ZNF569: variants seen among roughly 807,000 people sequenced by gnomAD.
The protein encoded by ZNF569 is DNA-binding protein.
A neutral mutation model predicts 56.3 loss-of-function variants in ZNF569; 38 were observed. The observed-to-expected ratio is 0.68, with a 90% confidence interval of 0.52 to 0.88. The LOEUF (loss-of-function observed/expected upper bound fraction) is 0.88, where lower values mean the gene tolerates loss of function less well. ZNF569 is among the 40% of genes least tolerant of loss of function. The pLI, the probability that ZNF569 is intolerant of heterozygous loss-of-function variation, is 0.00. For missense variants in ZNF569, 666 were observed against 809.2 expected, an observed-to-expected ratio of 0.82 and a Z score of 2.15; for synonymous variants, 241 against 262.9, an observed-to-expected ratio of 0.92 and a Z score of 0.81.
upstream of ZNF569, chr19:37,467,831 T>G (rs1003102945): frequency 2.6e-6 from 4 of 1,512,096 alleles, no homozygotes; most frequent in Non-Finnish European, 3.6e-6. Flanking sequence ...TGTGTGACCA[T>G]GGTCGCGTTT....
At chr19:37,448,556 C>CTTTTTTT (rs545559315) in intron 2 of ZNF569, among the ~76,000 whole-genome samples, 44 of 72,546 alleles carry the variant, frequency 6.1e-4, no homozygotes, top group Non-Finnish European at 7.3e-4. Flanking sequence ...ATGCTGTAAT[C>CTTTTTTT]TTTTTTTTTT....
At chr19:37,450,468 C>A (rs2041573846) in intron 2 of ZNF569, among the ~76,000 whole-genome samples, 1 of 152,014 alleles carries the variant, frequency 6.6e-6, no homozygotes, top group Non-Finnish European at 1.5e-5. Context: ...TCTTAAGATC[C>A]TTTTTACTTC....
At chr19:37,421,406 A>G (rs921575500) in intron 5 of ZNF569, among the ~76,000 whole-genome samples, 2 of 152,226 alleles carry the variant, frequency 1.3e-5, no homozygotes, top group African/African-American at 2.4e-5. Flanking sequence ...AGCCACCCTC[A>G]TCAATAATCT....
intron 3 of ZNF569, 105 bp from the exon 4 acceptor site, chr19:37,426,483 G>A: frequency 8.0e-7 from 1 of 1,247,710 alleles, no homozygotes; most frequent in Admixed American, 2.7e-5. Context: ...TATTAAAAAA[G>A]CCCATCATAT....
At chr19:37,417,495 C>A (rs903865738) in intron 5 of ZNF569, among the ~76,000 whole-genome samples, 6 of 151,510 alleles carry the variant, frequency 4.0e-5, no homozygotes, top group Non-Finnish European at 5.9e-5. Flanking sequence ...ATGATCCACC[C>A]GCCTCGGCCT....
intron 2 of ZNF569, among the ~76,000 whole-genome samples, chr19:37,462,196 G>A (rs979967365): frequency 6.6e-6 from 1 of 151,960 alleles, no homozygotes; most frequent in African/African-American, 2.4e-5. Context: ...CTGTGCCTGG[G>A]TACTTCTCCC....
intron 3 of ZNF569, among the ~76,000 whole-genome samples, chr19:37,429,814 T>G (rs1354729105): frequency 6.6e-6 from 1 of 152,152 alleles, no homozygotes; most frequent in Non-Finnish European, 1.5e-5. Flanking sequence ...ATGGTCTGAG[T>G]TGGCAGAAAA....
At chr19:37,421,376 C>T (rs1313014907) in intron 5 of ZNF569, among the ~76,000 whole-genome samples, 1 of 152,190 alleles carries the variant, frequency 6.6e-6, no homozygotes, top group Non-Finnish European at 1.5e-5. Flanking sequence ...GCATCTACAT[C>T]GGAACGCTAT....
chr19:37,444,058 T>C (rs2041452885), intron 3 of ZNF569, among the ~76,000 whole-genome samples: 1 of 152,096 alleles, frequency 6.6e-6, no homozygotes, highest in African/African-American at 2.4e-5. Context: ...TAAATTTATG[T>C]ATGACATGCA....
intron 2 of ZNF569, among the ~76,000 whole-genome samples, chr19:37,453,400 G>A (rs573291749): frequency 1.2e-3 from 181 of 152,136 alleles, no homozygotes; most frequent in Middle Eastern, 6.8e-3. Flanking sequence ...GGTGAGGAAG[G>A]GTCCAAGTCT....
chr19:37,468,241 C>A (rs578192335), upstream of ZNF569, among the ~76,000 whole-genome samples: 1 of 152,026 alleles, frequency 6.6e-6, no homozygotes, highest in African/African-American at 2.4e-5. Context: ...AAGGGACACT[C>A]CGCCCGGCTG....
intron 5 of ZNF569, among the ~76,000 whole-genome samples, chr19:37,416,658 G>A (rs1313993862): frequency 6.6e-6 from 1 of 151,768 alleles, no homozygotes; most frequent in Non-Finnish European, 1.5e-5. Flanking sequence ...ATTTTTTATT[G>A]TTGTATTGTT....
chr19:37,428,344 A>AAATGAATGAATG (rs553125324), intron 3 of ZNF569, among the ~76,000 whole-genome samples: 1 of 140,116 alleles, frequency 7.1e-6, no homozygotes, highest in Non-Finnish European at 1.5e-5. Flanking sequence ...TCTCTACAAT[A>AAATGAATGAATG]AATGAATGAA....
intron 3 of ZNF569, 54 bp downstream of exon 3, chr19:37,444,853 C>G: frequency 1.4e-6 from 2 of 1,411,882 alleles, no homozygotes; most frequent in South Asian, 2.4e-5. Flanking sequence ...CTGCAATCCC[C>G]TTAAATTGCA....
chr19:37,424,279 G>C (rs2041087381), intron 5 of ZNF569, among the ~76,000 whole-genome samples: 1 of 152,086 alleles, frequency 6.6e-6, no homozygotes, highest in Non-Finnish European at 1.5e-5. Flanking sequence ...GCAAATTAGT[G>C]AATGTATGCA....
At chr19:37,431,254 C>T (rs2041220609) in intron 3 of ZNF569, among the ~76,000 whole-genome samples, 3 of 152,130 alleles carry the variant, frequency 2.0e-5, no homozygotes, top group South Asian at 2.1e-4. Flanking sequence ...TTCCCTAACC[C>T]GAGGTAGTGC....
chr19:37,413,853 G>A lies in ZNF569; in HGVS notation c.805C>T (p.Pro269Ser). The A allele has an allele frequency of 6.2e-7, 1 of 1,613,508 alleles. No homozygotes were observed. Among genetic ancestry groups the A allele is most frequent in the Non-Finnish European group, 8.5e-7 (1 of 1,179,928 alleles). Reference protein sequence around the residue: ...RHQRIHTGEKPYACKECEKSF... With the variant: ...RHQRIHTGEKSYACKECEKSF... ...TTCTCACATTCCTTACATGCATAGGGCTTCTCTCCAGTATGAATTCTTTGA... is the reference window on the plus strand; with the variant it reads ...TTCTCACATTCCTTACATGCATAGGACTTCTCTCCAGTATGAATTCTTTGA... Residue 269 changes from proline (P) to serine (S), a missense_variant, in exon 6 of 6, where the codon CCC becomes TCC. By Grantham distance (74) the Pro-to-Ser change is moderately conservative. Coordinates refer to ENST00000316950, the MANE Select transcript of ZNF569 (RefSeq NM_152484.3).
At chr19:37,440,224 C>A (rs2146929347) in intron 3 of ZNF569, among the ~76,000 whole-genome samples, 1 of 152,006 alleles carries the variant, frequency 6.6e-6, no homozygotes, top group East Asian at 1.9e-4. Context: ...AAAAAACTAA[C>A]AACAAAGAAT....
At chr19:37,427,935 C>A in intron 3 of ZNF569, 1 of 302,758 alleles carries the variant, frequency 3.3e-6, no homozygotes, top group South Asian at 3.0e-5. Flanking sequence ...AAGAAACACA[C>A]TCTTGCTGGG....
Sources: allele counts gnomAD v4.1 joint callset (sites outside exome capture counted in the v4.1 genomes callset), GRCh38; gene constraint gnomAD v4.1.1; transcripts MANE v1.5; gene names NCBI Gene and HGNC (gene_info 2026-07-23, HGNC 2026-07-21).